Variants in ELAVL4 observed in about 807,000 individuals in gnomAD.
ELAVL4 encodes ELAV like RNA binding protein 4, also known as ELAV-like protein 4.
Under a neutral mutation model 35.6 loss-of-function variants are expected in ELAVL4, and 1 was observed. That is an observed-to-expected ratio of 0.03 (90% CI 0.01 to 0.13). The LOEUF (loss-of-function observed/expected upper bound fraction) is 0.13. Ranked by LOEUF, ELAVL4 falls within the 10% of genes least tolerant of loss-of-function variation. The pLI is 1.00. For missense variants in ELAVL4, 267 were observed against 464.9 expected (o/e 0.57, Z 3.91); for synonymous variants, 156 against 171.0 (o/e 0.91, Z 0.69).
exon 1 of ELAVL4, chr1:50,048,143 G>A: frequency 6.6e-7 from 1 of 1,519,552 alleles, no homozygotes; most frequent in Non-Finnish European, 8.8e-7. Flanking sequence ...GCAGCCTCGG[G>A]CCGGATCGCC....
intron 1 of ELAVL4, among the ~76,000 whole-genome samples, chr1:50,135,657 T>A (rs1671763855): frequency 6.6e-6 from 1 of 152,190 alleles, no homozygotes; most frequent in Non-Finnish European, 1.5e-5. Context: ...GAGAATTTAT[T>A]ACCACATAAC....
At chr1:50,119,004 GAAAGAAAGA>G (rs1668475725) in intron 1 of ELAVL4, among the ~76,000 whole-genome samples, 1 of 142,648 alleles carries the variant, frequency 7.0e-6, no homozygotes, top group Non-Finnish European at 1.5e-5. Context: ...GAGACAGAGA[GAAAGAAAGA>G]AAAGAAAGGA....
At chr1:50,056,634 C>CATTATTTA (rs1046695951) in intron 1 of ELAVL4, among the ~76,000 whole-genome samples, 2 of 152,018 alleles carry the variant, frequency 1.3e-5, no homozygotes, top group African/African-American at 4.8e-5. Flanking sequence ...ATATTTTTAT[C>CATTATTTA]ATTATTTAAG....
In ELAVL4 at chr1:50,165,792, A is replaced by G. The variant is rs558228120; in HGVS notation, c.251-11297A>G. ...TATATGTGTGTATATATGTGTATATATATGTGTATATGTGTGTGTGTATAT... is the reference window on the plus strand; with the variant it reads ...TATATGTGTGTATATATGTGTATATGTATGTGTATATGTGTGTGTGTATAT... On this transcript the variant is annotated intron_variant, in intron 2 of 6. Transcript: ENST00000371824. 5.6e-4 allele frequency among the ~76,000 whole-genome samples: 84 copies of G among 151,276 alleles called. 1 individual carries two copies. The highest frequency in any genetic ancestry group is 1.8e-3 in the African/African-American group (76 of 41,224).
chr1:50,193,507 A>G (rs1187326804), intron 3 of ELAVL4, among the ~76,000 whole-genome samples: 1 of 151,968 alleles, frequency 6.6e-6, no homozygotes, highest in African/African-American at 2.4e-5. Flanking sequence ...TACAGTAGCT[A>G]TTTTGTTCTG....
intron 3 of ELAVL4, among the ~76,000 whole-genome samples, chr1:50,183,988 G>A (rs1023275463): frequency 1.3e-5 from 2 of 152,122 alleles, no homozygotes; most frequent in Admixed American, 6.5e-5. Flanking sequence ...CAGCAGGGGC[G>A]GCTGGATCAC....
chr1:50,055,651 G>GA lies in ELAVL4; in HGVS notation c.18+7475dup, dbSNP rs1216291542. Among the ~76,000 whole-genome samples the GA allele has an allele frequency of 4.0e-5, 6 of 150,882 alleles. No homozygotes were observed. In the East Asian group the frequency reaches 1.2e-3, roughly 30 times the overall value. On this transcript the variant is annotated intron_variant, in intron 1 of 6. Coordinates refer to the ELAVL4 transcript ENST00000448907. ...CTTATCCCAACTGGTGGATAGTGTT[G>GA]AAAAAATCTTTCTACTTTGACCTTC...
At chr1:50,113,326 G>A (rs1481950005) in intron 1 of ELAVL4, among the ~76,000 whole-genome samples, 1 of 151,480 alleles carries the variant, frequency 6.6e-6, no homozygotes, top group African/African-American at 2.4e-5. Flanking sequence ...GAGGAGATAT[G>A]CTGCTTCATT....
upstream of ELAVL4, among the ~76,000 whole-genome samples, chr1:50,101,967 T>C (rs945068273): frequency 3.9e-5 from 6 of 152,206 alleles, no homozygotes; most frequent in African/African-American, 1.2e-4. Flanking sequence ...CGGTAAAATA[T>C]AGCGTTTTCA....
intron 2 of ELAVL4, among the ~76,000 whole-genome samples, chr1:50,148,198 G>A (rs1203970413): frequency 1.3e-5 from 2 of 152,170 alleles, no homozygotes; most frequent in African/African-American, 2.4e-5. Context: ...TTATTAGCAG[G>A]TGGTGGAGCT....
chr1:50,143,185 G>A (rs923445865), intron 1 of ELAVL4, among the ~76,000 whole-genome samples: 3 of 152,172 alleles, frequency 2.0e-5, no homozygotes, highest in Non-Finnish European at 4.4e-5. Context: ...TTACCCAGTT[G>A]TGAATTGTGT....
intron 1 of ELAVL4, among the ~76,000 whole-genome samples, chr1:50,112,856 A>G (rs912145561): frequency 2.0e-5 from 3 of 151,966 alleles, no homozygotes; most frequent in East Asian, 1.9e-4. Flanking sequence ...TTCTCTCCCA[A>G]TACTCCTTCC....
At chr1:50,159,728 G>T (rs1345231405) in intron 2 of ELAVL4, among the ~76,000 whole-genome samples, 3 of 152,154 alleles carry the variant, frequency 2.0e-5, no homozygotes, top group African/African-American at 7.2e-5. Flanking sequence ...TTTCCCTCCA[G>T]CATTTTGTAT....
chr1:50,115,849 CA>C (rs1667857730), intron 1 of ELAVL4, among the ~76,000 whole-genome samples: 1 of 152,094 alleles, frequency 6.6e-6, no homozygotes, highest in African/African-American at 2.4e-5. Context: ...AATCCAAGGT[CA>C]CCATTTCTTT....
intron 1 of ELAVL4, among the ~76,000 whole-genome samples, chr1:50,135,986 A>G (rs750793430): frequency 2.0e-5 from 3 of 152,126 alleles, no homozygotes; most frequent in Admixed American, 6.6e-5. Context: ...CATTAATAAC[A>G]TATGTCTCCT....
At chr1:50,111,108 C>T (rs923879588) in intron 1 of ELAVL4, among the ~76,000 whole-genome samples, 3 of 151,758 alleles carry the variant, frequency 2.0e-5, no homozygotes, top group African/African-American at 4.8e-5. Context: ...TATTTTTAAG[C>T]ATCTGTTCTG....
intron 1 of ELAVL4, among the ~76,000 whole-genome samples, chr1:50,087,030 G>A (rs889109956): frequency 6.6e-6 from 1 of 152,020 alleles, no homozygotes; most frequent in Non-Finnish European, 1.5e-5. Flanking sequence ...GGAAGAGGGT[G>A]GGCTTAGAGA....
intron 1 of ELAVL4, among the ~76,000 whole-genome samples, chr1:50,119,724 A>G (rs933509773): frequency 2.0e-5 from 3 of 151,952 alleles, no homozygotes; most frequent in African/African-American, 7.2e-5. Flanking sequence ...CAGAAGAACA[A>G]GTTCGCATTC....
upstream of ELAVL4, chr1:50,104,078 T>A: frequency 6.5e-7 from 1 of 1,538,492 alleles, no homozygotes; most frequent in Non-Finnish European, 9.0e-7. Context: ...TGGATTTGCC[T>A]TAGGGTAACA....
Sources: allele counts gnomAD v4.1 joint callset (sites outside exome capture counted in the v4.1 genomes callset), GRCh38; gene constraint gnomAD v4.1.1; transcripts MANE v1.5; gene names NCBI Gene and HGNC (gene_info 2026-07-23, HGNC 2026-07-21).